The following LRRTM4 variants were observed in gnomAD, a reference collection of about 807,000 sequenced individuals.
The protein encoded by LRRTM4 is leucine-rich repeat transmembrane neuronal protein 4.
A neutral mutation model predicts 47.6 loss-of-function variants in LRRTM4; 25 were observed. The ratio of observed to expected loss-of-function variants is 0.53; its 90% confidence interval spans 0.38 to 0.73. The LOEUF (loss-of-function observed/expected upper bound fraction) is 0.73. Among genes scored for constraint, LRRTM4 ranks in the 30% least tolerant of loss-of-function variants. LRRTM4 has a pLI of 0.00. For synonymous variants in LRRTM4, 311 were observed against 269.5 expected (o/e 1.15, Z -1.51); for missense variants, 638 against 713.4 (o/e 0.89, Z 1.20).
At chr2:77,446,451 G>A (rs535224586) in intron 3 of LRRTM4, among the ~76,000 whole-genome samples, 25 of 151,916 alleles carry the variant, frequency 1.6e-4, no homozygotes, top group Non-Finnish European at 3.2e-4. Context: ...ATAATATTGG[G>A]TCATAATCTT....
At chr2:76,900,900 A>G (rs556814426) in intron 3 of LRRTM4, among the ~76,000 whole-genome samples, 2 of 152,332 alleles carry the variant, frequency 1.3e-5, no homozygotes, top group East Asian at 3.9e-4. Flanking sequence ...TAGAAGTACC[A>G]AAATTTAGAA....
intron 3 of LRRTM4, among the ~76,000 whole-genome samples, chr2:77,488,668 A>G (rs1407535237): frequency 6.6e-6 from 1 of 152,234 alleles, no homozygotes; most frequent in East Asian, 1.9e-4. Context: ...TGTACAAAGT[A>G]AAACCAGTTT....
At chr2:76,871,893 G>GT (rs1267208072) in intron 3 of LRRTM4, among the ~76,000 whole-genome samples, 1 of 152,180 alleles carries the variant, frequency 6.6e-6, no homozygotes, top group Non-Finnish European at 1.5e-5. Context: ...CTGCAAGGAA[G>GT]TGAATCCTTT....
At chr2:76,840,350 C>T (rs1442928439) in intron 3 of LRRTM4, among the ~76,000 whole-genome samples, 1 of 152,186 alleles carries the variant, frequency 6.6e-6, no homozygotes, top group Non-Finnish European at 1.5e-5. Context: ...CTTCTACAAA[C>T]CTGGCCTTTT....
intron 3 of LRRTM4, among the ~76,000 whole-genome samples, chr2:76,860,018 A>C (rs918899828): frequency 5.9e-5 from 9 of 152,278 alleles, no homozygotes; most frequent in Admixed American, 3.9e-4. Flanking sequence ...ATCACTTACC[A>C]TCCATGGGGG....
At chr2:76,977,574 C>A (rs1676462308) in intron 3 of LRRTM4, among the ~76,000 whole-genome samples, 1 of 151,692 alleles carries the variant, frequency 6.6e-6, no homozygotes, top group Non-Finnish European at 1.5e-5. Context: ...CTAAAGTTAC[C>A]TCTCAATGCC....
intron 3 of LRRTM4, among the ~76,000 whole-genome samples, chr2:77,017,785 CTT>C (rs1188834029): frequency 3.5e-5 from 5 of 143,570 alleles, no homozygotes; most frequent in African/African-American, 1.5e-4. Context: ...TGTCTCCTAA[CTT>C]TATTTGATTA....
chr2:76,784,038 C>T (rs1211423618), intron 3 of LRRTM4, among the ~76,000 whole-genome samples: 1 of 151,982 alleles, frequency 6.6e-6, no homozygotes, highest in Non-Finnish European at 1.5e-5. Flanking sequence ...AGTGAGAAAA[C>T]ATAAATAATT....
At chr2:77,044,933 A>G (rs973731671) in intron 3 of LRRTM4, among the ~76,000 whole-genome samples, 5 of 151,634 alleles carry the variant, frequency 3.3e-5, no homozygotes, top group African/African-American at 7.3e-5. Context: ...ATATGTGTAT[A>G]TGTGTGTGTG....
intron 3 of LRRTM4, among the ~76,000 whole-genome samples, chr2:77,357,780 A>G (rs1173305248): frequency 6.6e-6 from 1 of 152,192 alleles, no homozygotes; most frequent in Non-Finnish European, 1.5e-5. Flanking sequence ...GTGTAGCATT[A>G]GTGTGCACAT....
At chr2:77,041,225 C>A (rs1188616847) in intron 3 of LRRTM4, among the ~76,000 whole-genome samples, 2 of 151,500 alleles carry the variant, frequency 1.3e-5, no homozygotes, top group Non-Finnish European at 3.0e-5. Flanking sequence ...TCTTTGGGTT[C>A]ATCCATGTTG....
Position 77,054,167 on chromosome 2 carries a change from C to G in LRRTM4, c.1552-305251G>C, listed in dbSNP as rs529860808. Among the ~76,000 whole-genome samples, 71 of 150,004 alleles carry G rather than the reference C, an allele frequency of 4.7e-4. 1 individual carries two copies. Among genetic ancestry groups the G allele is most frequent in the African/African-American group, 1.8e-3 (71 of 39,414 alleles). On this transcript the variant is annotated intron_variant, in intron 3 of 3. Coordinates refer to ENST00000409884, the MANE Select transcript of LRRTM4 (RefSeq NM_001134745.3). ...TTGTTCTGAGGAGTCAGTAACAGGG[C>G]AGGCCAGAGAGACGGTGCCTTGGGA... is the stretch of plus-strand genomic sequence containing the variant.
intron 3 of LRRTM4, among the ~76,000 whole-genome samples, chr2:77,377,649 AATCT>A (rs778483974): frequency 6.6e-6 from 1 of 152,160 alleles, no homozygotes; most frequent in South Asian, 2.1e-4. Flanking sequence ...TTAAATAAGT[AATCT>A]ATCTACAAAC....
intron 3 of LRRTM4, among the ~76,000 whole-genome samples, chr2:76,928,726 A>G (rs1674668797): frequency 6.6e-6 from 1 of 152,116 alleles, no homozygotes; most frequent in African/African-American, 2.4e-5. Context: ...TGACAGAATG[A>G]CTTTTAATCA....
chr2:77,520,479 G>A (rs1047937251), intron 2 of LRRTM4, among the ~76,000 whole-genome samples: 2 of 151,996 alleles, frequency 1.3e-5, no homozygotes, highest in Admixed American at 1.3e-4. Flanking sequence ...GACTAATAAC[G>A]GTACGAGGTG....
At chr2:77,135,101 G>C (rs1671898793) in intron 3 of LRRTM4, among the ~76,000 whole-genome samples, 1 of 152,178 alleles carries the variant, frequency 6.6e-6, no homozygotes, top group African/African-American at 2.4e-5. Context: ...ATGGACGGAT[G>C]AAAACATTCA....
In LRRTM4 at chr2:76,865,703, T is replaced by G. The variant is rs527878375; in HGVS notation, c.1552-116787A>C. Reference sequence around the variant, plus strand: ...TTCTTGCCTACTTCAAAGGAATAAATCAGAGAGAAGTATACTTACTCATAA... The same window carrying G: ...TTCTTGCCTACTTCAAAGGAATAAAGCAGAGAGAAGTATACTTACTCATAA... On this transcript the variant is annotated intron_variant, in intron 3 of 3. Coordinates refer to ENST00000409884, the MANE Select transcript of LRRTM4 (RefSeq NM_001134745.3). 1.7e-3 allele frequency among the ~76,000 whole-genome samples: 265 copies of G among 152,214 alleles called. 1 individual carries two copies. The highest frequency in any genetic ancestry group is 3.0e-3 in the Non-Finnish European group (205 of 68,014).
At chr2:77,327,730 A>G (rs1170870496) in intron 3 of LRRTM4, among the ~76,000 whole-genome samples, 1 of 152,210 alleles carries the variant, frequency 6.6e-6, no homozygotes, top group Non-Finnish European at 1.5e-5. Flanking sequence ...AAGGCGACCC[A>G]GTGATATTCA....
At chr2:76,790,134 A>C (rs1674896244) in intron 3 of LRRTM4, among the ~76,000 whole-genome samples, 1 of 152,194 alleles carries the variant, frequency 6.6e-6, no homozygotes. Flanking sequence ...GAATTACCAA[A>C]GCAGTTTTTC....
Sources: allele counts gnomAD v4.1 joint callset (sites outside exome capture counted in the v4.1 genomes callset), GRCh38; gene constraint gnomAD v4.1.1; transcripts MANE v1.5; gene names NCBI Gene and HGNC (gene_info 2026-07-23, HGNC 2026-07-21).